The following GOLM2 variants were observed in gnomAD, a reference collection of about 807,000 sequenced individuals.
GOLM2 encodes golgi membrane protein 2, also known as protein GOLM2.
In GOLM2, 26 loss-of-function variants were observed where a neutral mutation model predicts 55.9. The observed-to-expected ratio is 0.47, with a 90% confidence interval of 0.34 to 0.65. The LOEUF is 0.65. Among genes scored for constraint, GOLM2 ranks in the 30% least tolerant of loss-of-function variants. The pLI is 0.01. For missense variants in GOLM2, 486 were observed against 531.8 expected (o/e 0.91, Z 0.85); for synonymous variants, 165 against 194.6 (o/e 0.85, Z 1.27).
Position 44,397,625 on chromosome 15 carries a change from C to T in GOLM2, c.1073-5262C>T, listed in dbSNP as rs1447843266. Among the ~76,000 whole-genome samples the T allele has an allele frequency of 2.0e-5, 3 of 151,212 alleles. No homozygotes were observed. In the East Asian group the frequency reaches 5.8e-4, roughly 29 times the overall value. Reference sequence around the variant, plus strand: ...TCATTCCCCAAGATCACTTCTTTGACTTATAGCTGTTTTCTGTAAATATTT... The same window carrying T: ...TCATTCCCCAAGATCACTTCTTTGATTTATAGCTGTTTTCTGTAAATATTT... On this transcript the variant is annotated intron_variant, in intron 8 of 9. Coordinates refer to ENST00000299957, the MANE Select transcript of GOLM2 (RefSeq NM_138423.4).
intron 6 of GOLM2, among the ~76,000 whole-genome samples, chr15:44,357,142 T>G (rs1443783341): frequency 3.3e-5 from 5 of 151,678 alleles, no homozygotes; most frequent in Non-Finnish European, 4.4e-5. Context: ...ATTGCCTAGG[T>G]GACAGCAAGA....
At chr15:44,298,911 A>G (rs1173612201) in intron 1 of GOLM2, among the ~76,000 whole-genome samples, 1 of 152,226 alleles carries the variant, frequency 6.6e-6, no homozygotes, top group Non-Finnish European at 1.5e-5. Flanking sequence ...CTATTCCATT[A>G]TAACTGGTAT....
intron 6 of GOLM2, among the ~76,000 whole-genome samples, chr15:44,360,711 C>T (rs2079231679): frequency 6.6e-6 from 1 of 152,114 alleles, no homozygotes; most frequent in African/African-American, 2.4e-5. Context: ...ACCTAATAGA[C>T]ATCTACAGAA....
chr15:44,373,130 A>G (rs1022259774), intron 6 of GOLM2, among the ~76,000 whole-genome samples: 1 of 152,344 alleles, frequency 6.6e-6, no homozygotes, highest in South Asian at 2.1e-4. Context: ...AACTTGGTCT[A>G]TTTTGTTCAC....
chr15:44,312,872 A>C (rs1323703800), intron 1 of GOLM2, among the ~76,000 whole-genome samples: 1 of 152,048 alleles, frequency 6.6e-6, no homozygotes, highest in African/African-American at 2.4e-5. Context: ...CGAGGTCAGC[A>C]GATAGAGACC....
At chr15:44,345,753 A>G (rs2079120056) in intron 6 of GOLM2, 1 of 152,188 alleles carries the variant, frequency 6.6e-6, no homozygotes, top group Non-Finnish European at 1.5e-5. Context: ...CTCTATAGGT[A>G]TAAAGATATT....
intron 8 of GOLM2, among the ~76,000 whole-genome samples, chr15:44,394,278 A>G (rs957852917): frequency 8.5e-5 from 13 of 152,202 alleles, no homozygotes; most frequent in African/African-American, 7.2e-5. Flanking sequence ...ACAGGGTTTG[A>G]GCAACCACGG....
chr15:44,299,534 C>T (rs2078782074), intron 1 of GOLM2, among the ~76,000 whole-genome samples: 1 of 151,994 alleles, frequency 6.6e-6, no homozygotes, highest in African/African-American at 2.4e-5. Context: ...CTCAGGTGAT[C>T]CGCCCGCCTC....
intron 8 of GOLM2, among the ~76,000 whole-genome samples, chr15:44,400,842 T>C (rs2141213305): frequency 6.6e-6 from 1 of 152,254 alleles, no homozygotes. Flanking sequence ...CCCAAAGTGC[T>C]GGGATTACGG....
intron 8 of GOLM2, chr15:44,381,930 G>C (rs909744378): frequency 5.3e-5 from 8 of 152,140 alleles, no homozygotes; most frequent in Non-Finnish European, 1.0e-4. Flanking sequence ...TGGGATTACA[G>C]GCGTGATTCA....
rs199666427 is a variant in GOLM2, at chr15:44,288,990, T to A, written c.-40T>A. 1 of 1,553,868 alleles carries A rather than the reference T, an allele frequency of 6.4e-7. No individual in the cohort carries two copies. The highest frequency in any genetic ancestry group is 1.8e-5 in the Admixed American group (1 of 56,044). On this transcript the variant is annotated 5_prime_UTR_variant, in exon 1 of 10. Coordinates refer to ENST00000299957, the MANE Select transcript of GOLM2 (RefSeq NM_138423.4). ...AGGCCTGGGCTTCTGCCTGCAGGTG[T>A]CTGCGGCGAGGCCCCTAGGGTACAG...
intron 6 of GOLM2, among the ~76,000 whole-genome samples, chr15:44,361,996 C>T (rs1216692479): frequency 6.6e-6 from 1 of 152,202 alleles, no homozygotes; most frequent in Non-Finnish European, 1.5e-5. Flanking sequence ...TTCAACAACC[C>T]TTCATGCTAA....
chr15:44,339,298 G>A (rs1238265257), intron 6 of GOLM2, among the ~76,000 whole-genome samples: 1 of 152,072 alleles, frequency 6.6e-6, no homozygotes, highest in Non-Finnish European at 1.5e-5. Flanking sequence ...AGCAAGCTTT[G>A]TTTGTAAGAC....
intron 6 of GOLM2, among the ~76,000 whole-genome samples, chr15:44,377,202 G>A (rs1192282879): frequency 6.6e-6 from 1 of 151,966 alleles, no homozygotes; most frequent in Admixed American, 6.6e-5. Flanking sequence ...GTAAGACCTC[G>A]TCTCTACAAA....
At chr15:44,364,392 C>T (rs141520979) in intron 6 of GOLM2, among the ~76,000 whole-genome samples, 3,186 of 148,608 alleles carry the variant, frequency 0.021, 39 homozygotes, top group East Asian at 0.04. Context: ...CAGGTGTGGC[C>T]GGGCGCGGTG....
chr15:44,380,916 A>G lies in GOLM2; in HGVS notation c.1012A>G (p.Thr338Ala), dbSNP rs1805895334. The G allele has an allele frequency of 6.2e-7, 1 of 1,603,508 alleles. No homozygotes were observed. Among genetic ancestry groups the G allele is most frequent in the African/African-American group, 1.3e-5 (1 of 74,806 alleles). Residue 338 changes from threonine (T) to alanine (A), a missense_variant, in exon 8 of 10, where the codon ACA becomes GCA. Coordinates refer to ENST00000299957, the MANE Select transcript of GOLM2 (RefSeq NM_138423.4). ...CTTGGACAGTGAACCCAGAATTCAA[A>G]CAGATATACTAAAGCAGGCTACCAA... ...SNLDSEPRIQ[T>A]DILKQATKDR...
rs1007053986 is a variant in GOLM2, at chr15:44,331,936, T to G, written c.486-52T>G. On this transcript the variant is annotated intron_variant, in intron 3 of 9. Transcript: ENST00000299957. ...GTATGTGTCAACTTCTGGACAACTT[T>G]GAGAATCCAATCCAAGATAATATAA... 8.4e-6 allele frequency: 11 copies of G among 1,302,298 alleles called. No homozygotes were observed. The African/African-American group carries it at 1.3e-4, about 16-fold the overall frequency. 80.7% of individuals were successfully genotyped at this position (1,302,298 alleles called of 1,614,324 possible).
At chr15:44,359,482 G>A (rs980926962) in intron 6 of GOLM2, among the ~76,000 whole-genome samples, 1 of 152,032 alleles carries the variant, frequency 6.6e-6, no homozygotes, top group Admixed American at 6.6e-5. Flanking sequence ...CAGCTACTTG[G>A]GAGGCTGAGG....
At chr15:44,294,558 C>CA (rs2078742655) in intron 1 of GOLM2, among the ~76,000 whole-genome samples, 1 of 151,628 alleles carries the variant, frequency 6.6e-6, no homozygotes, top group African/African-American at 2.4e-5. Context: ...ACTAAAAATA[C>CA]AAAAAATTAG....
Sources: gnomAD v4.1 joint callset for allele counts (sites outside exome capture counted in the v4.1 genomes callset) on GRCh38, gnomAD v4.1.1 for gene constraint, MANE v1.5 for transcripts, NCBI Gene and HGNC (gene_info 2026-07-23, HGNC 2026-07-21) for gene names.